ASXL3: variants seen among roughly 807,000 people sequenced by gnomAD.
ASXL3 encodes ASXL transcriptional regulator 3.
Under a neutral mutation model 170.6 loss-of-function variants are expected in ASXL3, and 34 were observed. The observed-to-expected ratio is 0.20, with a 90% CI of 0.15 to 0.27. The LOEUF (loss-of-function observed/expected upper bound fraction) is 0.27. ASXL3 is among the 10% of genes least tolerant of loss of function. The pLI is 1.00. For synonymous variants in ASXL3, 1,002 were observed against 989.1 expected, an observed-to-expected ratio of 1.01 and a Z score of -0.24; for missense variants, 2,592 against 2,695.3, an observed-to-expected ratio of 0.96 and a Z score of 0.85.
chr18:33,717,521 G>A (rs934249277), intron 8 of ASXL3, among the ~76,000 whole-genome samples: 32 of 152,080 alleles, frequency 2.1e-4, no homozygotes, highest in African/African-American at 7.5e-4. Flanking sequence ...GAGACAAACC[G>A]CCACTCAAAG....
At chr18:33,710,964 C>G (rs2067050651) in intron 8 of ASXL3, among the ~76,000 whole-genome samples, 1 of 152,044 alleles carries the variant, frequency 6.6e-6, no homozygotes, top group Admixed American at 6.6e-5. Context: ...ATGCTGTTGC[C>G]TTATGAATAT....
intron 8 of ASXL3, among the ~76,000 whole-genome samples, chr18:33,728,759 GA>G (rs2145389789): frequency 6.6e-6 from 1 of 152,130 alleles, no homozygotes; most frequent in East Asian, 1.9e-4. Context: ...GCCTTTTACT[GA>G]AATACTCCGA....
intron 1 of ASXL3, chr18:33,579,095 GCA>G (rs1439769716): frequency 6.5e-6 from 1 of 154,400 alleles, no homozygotes; most frequent in Non-Finnish European, 1.4e-5. Flanking sequence ...ATAACTCTGT[GCA>G]CAGTCTGTGT....
At chr18:33,719,561 C>A (rs1230780577) in intron 8 of ASXL3, among the ~76,000 whole-genome samples, 1 of 152,032 alleles carries the variant, frequency 6.6e-6, no homozygotes, top group Non-Finnish European at 1.5e-5. Context: ...TCAAATCCTA[C>A]TTTGCTGCTT....
Position 33,744,821 on chromosome 18 carries a change from G to A in ASXL3, c.4973G>A (p.Arg1658Lys). The change falls in exon 12 of 12, where the codon AGG becomes AAG. Residue 1658 changes from arginine (R) to lysine (K), a missense_variant. By Grantham distance (26) the Arg-to-Lys change is conservative (BLOSUM62 2). Around this residue, in one of 4 missense-constraint regions of ASXL3, gnomAD observed 2,246 missense variants for 2,219.6 expected, o/e 1.01. Coordinates refer to ENST00000269197, the MANE Select transcript of ASXL3 (RefSeq NM_030632.3). ...TTGAACGTGTCAGAACTTCATCCCA[G>A]GAATCTTGTAACAAATGTTGCTCTT... ...NYLNVSELHP[R>K]NLVTNVALPV... The A allele has an allele frequency of 1.9e-6, 3 of 1,614,012 alleles. No homozygotes were observed. The South Asian group carries it at 3.3e-5, about 18-fold the overall frequency.
intron 5 of ASXL3, among the ~76,000 whole-genome samples, chr18:33,664,735 A>G (rs751829463): frequency 6.6e-6 from 1 of 152,206 alleles, no homozygotes; most frequent in Non-Finnish European, 1.5e-5. Flanking sequence ...AGAGGGCTAC[A>G]TGTTTACAGG....
intron 2 of ASXL3, among the ~76,000 whole-genome samples, chr18:33,635,429 T>A (rs2065749657): frequency 6.6e-6 from 1 of 152,216 alleles, no homozygotes; most frequent in South Asian, 2.1e-4. Context: ...TTCCTCTGGT[T>A]AGCTTTATCC....
At position 33,746,137 on chromosome 18, in the gene ASXL3, G is replaced by C. The variant is rs1216531128; in HGVS notation, c.6289G>C (p.Gly2097Arg). The change falls in exon 12 of 12, where the codon GGC (glycine) becomes CGC (arginine). Residue 2097 changes from glycine to arginine, a missense_variant. Physicochemically the swap from Gly to Arg is moderately radical, Grantham distance 125. This residue lies in a region of ASXL3 where 2,246 missense variants were observed against 2,219.6 expected (regional missense o/e 1.01). Coordinates refer to ENST00000269197, the MANE Select transcript of ASXL3 (RefSeq NM_030632.3). ...EEGLSSSCEL[G>R]MKQVSYDQNE... ...AGGTTTAAGCAGCAGCTGTGAACTG[G>C]GCATGAAACAAGTTTCCTATGACCA... 3.1e-6 allele frequency: 5 copies of C among 1,613,530 alleles called. No individual in the cohort carries two copies. Among genetic ancestry groups the C allele is most frequent in the South Asian group, 1.1e-5 (1 of 91,058 alleles).
In ASXL3 at chr18:33,746,452, G is replaced by C; in HGVS notation, c.6604G>C (p.Asp2202His). The C allele has an allele frequency of 6.2e-7, 1 of 1,614,038 alleles. No homozygotes were observed. Among genetic ancestry groups the C allele is most frequent in the Non-Finnish European group, 8.5e-7 (1 of 1,179,890 alleles). ...TCAGATGCCCGTTCAGAACTTTGCC[G>C]ACAGCAGCAATGCAGATGAATTGGA... ...NAQMPVQNFA[D>H]SSNADELELK... is the part of the protein sequence containing the mutation. The change falls in exon 12 of 12, where the codon GAC (aspartate) becomes CAC (histidine). Residue 2202 changes from aspartate to histidine, a missense_variant. This residue lies in a region of ASXL3 where 2,246 missense variants were observed against 2,219.6 expected (regional missense o/e 1.01). Coordinates refer to ENST00000269197, the MANE Select transcript of ASXL3 (RefSeq NM_030632.3).
At chr18:33,688,912 G>C (rs981838023) in intron 8 of ASXL3, among the ~76,000 whole-genome samples, 1 of 152,146 alleles carries the variant, frequency 6.6e-6, no homozygotes, top group Admixed American at 6.5e-5. Flanking sequence ...AAAATGTGAA[G>C]GCATATTTGA....
chr18:33,674,747 T>A (rs8086849), intron 7 of ASXL3, among the ~76,000 whole-genome samples: 65,625 of 151,098 alleles, frequency 0.43, 15,026 homozygotes, highest in East Asian at 0.79. Context: ...ACCCCCCGAG[T>A]AGCTGGGACT....
rs191783245 is a variant in ASXL3, at chr18:33,715,350, A to G, written c.880-16618A>G. Among the ~76,000 whole-genome samples, 90 of 152,342 alleles carry G rather than the reference A, an allele frequency of 5.9e-4. 1 individual carries two copies. Among genetic ancestry groups the G allele is most frequent in the African/African-American group, 2.1e-3 (88 of 41,584 alleles). On this transcript the variant is annotated intron_variant, in intron 8 of 11. Coordinates refer to ENST00000269197, the MANE Select transcript of ASXL3 (RefSeq NM_030632.3). ...ATTCATTCTTTACACTCTAAAGCCA[A>G]TCTGGCATATACAGATCTACTATAT...
intron 1 of ASXL3, among the ~76,000 whole-genome samples, chr18:33,579,769 A>G (rs1165774696): frequency 6.6e-6 from 1 of 152,104 alleles, no homozygotes; most frequent in African/African-American, 2.4e-5. Context: ...TCGCCAGCTT[A>G]CTATCTGTTA....
chr18:33,658,684 A>G (rs919140720), intron 4 of ASXL3, among the ~76,000 whole-genome samples: 7 of 152,106 alleles, frequency 4.6e-5, no homozygotes, highest in Non-Finnish European at 1.0e-4. Flanking sequence ...TCAGTAAATA[A>G]TTAGGGAAAT....
chr18:33,602,497 T>C (rs1232022878), intron 1 of ASXL3, among the ~76,000 whole-genome samples: 2 of 152,138 alleles, frequency 1.3e-5, no homozygotes, highest in Non-Finnish European at 2.9e-5. Flanking sequence ...GTAATCCAAG[T>C]TCATGTTTCA....
intron 2 of ASXL3, among the ~76,000 whole-genome samples, chr18:33,624,775 G>A (rs1355709841): frequency 6.6e-6 from 1 of 152,064 alleles, no homozygotes; most frequent in Non-Finnish European, 1.5e-5. Flanking sequence ...CTCTTAGGAG[G>A]TGCATATGTA....
chr18:33,676,382 A>G (rs1438903137), intron 7 of ASXL3, among the ~76,000 whole-genome samples: 1 of 152,012 alleles, frequency 6.6e-6, no homozygotes, highest in Non-Finnish European at 1.5e-5. Flanking sequence ...AGGGTTATGT[A>G]TGAAAACTAT....
intron 1 of ASXL3, among the ~76,000 whole-genome samples, chr18:33,603,835 G>T (rs923926136): frequency 1.4e-4 from 22 of 151,970 alleles, no homozygotes; most frequent in Admixed American, 1.4e-3. Flanking sequence ...TAACACAAGA[G>T]AACAATTTGT....
At chr18:33,596,472 A>G (rs769130845) in intron 1 of ASXL3, among the ~76,000 whole-genome samples, 11 of 152,224 alleles carry the variant, frequency 7.2e-5, no homozygotes, top group Non-Finnish European at 1.0e-4. Context: ...CAAAATAAAC[A>G]TCATTGTTAT....
Sources: gnomAD v4.1 joint callset for allele counts (sites outside exome capture counted in the v4.1 genomes callset) on GRCh38, gnomAD v4.1.1 for gene constraint, gnomAD v4.1.1 regional missense constraint, MANE v1.5 for transcripts, NCBI Gene and HGNC (gene_info 2026-07-23, HGNC 2026-07-21) for gene names.